The following SPOCK3 variants were observed in gnomAD, a reference collection of about 807,000 sequenced individuals.
SPOCK3 encodes the protein SPARC (osteonectin), cwcv and kazal like domains proteoglycan 3, also known as testican-3.
Under a neutral mutation model 56.6 loss-of-function variants are expected in SPOCK3, and 30 were observed. The ratio of observed to expected loss-of-function variants is 0.53; its 90% CI spans 0.40 to 0.72. SPOCK3 has a LOEUF of 0.72. Among genes scored for constraint, SPOCK3 ranks in the 30% least tolerant of loss-of-function variants. The pLI is 0.00. For synonymous variants in SPOCK3, 196 were observed against 183.3 expected (o/e 1.07, Z -0.56); for missense variants, 527 against 530.0 (o/e 0.99, Z 0.06).
intron 7 of SPOCK3, among the ~76,000 whole-genome samples, chr4:166,785,854 T>C (rs1484097579): frequency 1.3e-5 from 2 of 152,156 alleles, no homozygotes; most frequent in African/African-American, 4.8e-5. Flanking sequence ...GTTAGGACAT[T>C]GTCCAGGTAA....
intron 9 of SPOCK3, among the ~76,000 whole-genome samples, chr4:166,738,780 C>A (rs1057005112): frequency 2.0e-5 from 3 of 151,494 alleles, no homozygotes; most frequent in African/African-American, 4.9e-5. Flanking sequence ...TCATCCATGT[C>A]GCTATAAAGG....
rs530131627 is a variant in SPOCK3, at chr4:166,889,356, T to C, written c.475-112A>G. The C allele has an allele frequency of 9.1e-6, 6 of 661,256 alleles. No homozygotes were observed. In the East Asian group the frequency reaches 1.6e-4, roughly 18 times the overall value. The allele number at this position is 661,256 out of a possible 1,614,324, so 41.0% of individuals were successfully genotyped here. A position where few individuals can be genotyped will look rare whatever the true frequency, so the allele number is the denominator to read the frequency against. On this transcript the variant is annotated intron_variant, in intron 5 of 10. Coordinates refer to ENST00000357545, the MANE Select transcript of SPOCK3 (RefSeq NM_001040159.2). ...TTGATGCATATAATTTGGAGATTTTTCCACCAGGTAATACGTCTCCAATAC... is the reference window on the plus strand; with the variant it reads ...TTGATGCATATAATTTGGAGATTTTCCCACCAGGTAATACGTCTCCAATAC...
intron 4 of SPOCK3, among the ~76,000 whole-genome samples, chr4:166,913,845 T>C (rs933259076): frequency 2.0e-5 from 3 of 152,168 alleles, no homozygotes; most frequent in Non-Finnish European, 4.4e-5. Context: ...GTTCTCTTTA[T>C]TTCAGTTTTG....
At chr4:166,741,975 A>G (rs751753084) in intron 9 of SPOCK3, 22 bp downstream of exon 9, 1 of 1,563,492 alleles carries the variant, frequency 6.4e-7, no homozygotes, top group Non-Finnish European at 8.8e-7. Context: ...TAAAGCCTTC[A>G]GAAGAATGAT....
chr4:166,828,603 C>A (rs988734083), intron 6 of SPOCK3, among the ~76,000 whole-genome samples: 1 of 151,872 alleles, frequency 6.6e-6, no homozygotes, highest in Non-Finnish European at 1.5e-5. Context: ...TAGAGTTTAA[C>A]CATATTTCTA....
At chr4:167,134,027 T>C (rs944930134) in intron 2 of SPOCK3, among the ~76,000 whole-genome samples, 14 of 138,466 alleles carry the variant, frequency 1.0e-4, no homozygotes, top group East Asian at 2.1e-4. Context: ...TTTTTCTTTT[T>C]TTTTTTTTTT....
intron 4 of SPOCK3, among the ~76,000 whole-genome samples, chr4:166,976,803 G>A (rs114768313): frequency 3.0e-4 from 46 of 151,858 alleles, no homozygotes; most frequent in African/African-American, 1.1e-3. Context: ...ATTTAATCTA[G>A]CCATTAAATT....
At chr4:166,994,732 A>T (rs1482011101) in intron 4 of SPOCK3, among the ~76,000 whole-genome samples, 1 of 152,252 alleles carries the variant, frequency 6.6e-6, no homozygotes, top group East Asian at 1.9e-4. Flanking sequence ...CATAACACCT[A>T]ATATAAACCC....
intron 2 of SPOCK3, among the ~76,000 whole-genome samples, chr4:167,226,439 AG>A (rs1379309821): frequency 1.3e-5 from 2 of 152,180 alleles, no homozygotes; most frequent in Non-Finnish European, 2.9e-5. Flanking sequence ...AACAACTGAC[AG>A]GCAATGATAA....
rs1447467797 is a variant in SPOCK3, at chr4:166,967,819, G to T, written c.350+32530C>A. 2.0e-5 allele frequency among the ~76,000 whole-genome samples: 3 copies of T among 152,304 alleles called. 1 individual carries two copies. The Middle Eastern group carries it at 0.01, about 518-fold the overall frequency. On this transcript the variant is annotated intron_variant, in intron 4 of 10. Transcript: ENST00000357545. ...TAACAGGCAAAGGTTGGCACAATCT[G>T]AGGGGCTCAAAAAAAGACAGAAAGG...
intron 2 of SPOCK3, among the ~76,000 whole-genome samples, chr4:167,134,908 A>G (rs892401740): frequency 6.6e-6 from 1 of 152,110 alleles, no homozygotes; most frequent in Non-Finnish European, 1.5e-5. Flanking sequence ...CTGTTTTCTT[A>G]GTGCATTGGT....
In SPOCK3 at chr4:167,099,932, ATTTC is replaced by A. The variant is rs371263853; in HGVS notation, c.190-37399_190-37396del. Among the ~76,000 whole-genome samples, 8 of 152,084 alleles carry A rather than the reference ATTTC, an allele frequency of 5.3e-5. No individual in the cohort carries two copies. The East Asian group carries it at 1.3e-3, about 26-fold the overall frequency. ...AATTGAAGTATAATTTGACACATTA[ATTTC>A]TTTCTTCATGACAATTATGTACAAT... On this transcript the variant is annotated intron_variant, in intron 2 of 10. Transcript: ENST00000357545.
intron 6 of SPOCK3, among the ~76,000 whole-genome samples, chr4:166,877,648 A>T (rs1733234816): frequency 6.6e-6 from 1 of 152,186 alleles, no homozygotes; most frequent in Non-Finnish European, 1.5e-5. Flanking sequence ...ATAATGTAAA[A>T]GTTCTCATTA....
chr4:166,746,271 C>G (rs1051463275), intron 8 of SPOCK3, among the ~76,000 whole-genome samples: 3 of 152,178 alleles, frequency 2.0e-5, no homozygotes, highest in Non-Finnish European at 4.4e-5. Context: ...TGTAAAAGAA[C>G]AGAGATCATA....
At chr4:166,975,017 G>C (rs1201601679) in intron 4 of SPOCK3, among the ~76,000 whole-genome samples, 1 of 152,080 alleles carries the variant, frequency 6.6e-6, no homozygotes, top group Non-Finnish European at 1.5e-5. Context: ...ATGAGAGTGG[G>C]TCTGAGAGTC....
chr4:166,869,539 T>G (rs974313534), intron 6 of SPOCK3, among the ~76,000 whole-genome samples: 1 of 152,080 alleles, frequency 6.6e-6, no homozygotes, highest in Non-Finnish European at 1.5e-5. Flanking sequence ...CAGTGCCATC[T>G]TTGTATTCAA....
chr4:167,199,225 T>TTGTGTGTGTGTGTGTG (rs58765976), intron 2 of SPOCK3, among the ~76,000 whole-genome samples: 7 of 141,976 alleles, frequency 4.9e-5, no homozygotes, highest in African/African-American at 1.5e-4. Context: ...AAATATTTGT[T>TTGTGTGTGTGTGTGTG]TGTGTGTGTG....
chr4:167,165,129 A>G (rs2150450561), intron 2 of SPOCK3, among the ~76,000 whole-genome samples: 1 of 152,290 alleles, frequency 6.6e-6, no homozygotes, highest in Middle Eastern at 3.4e-3. Flanking sequence ...CCTAAACAAT[A>G]CCATTCAGGA....
At chr4:167,230,320 C>T (rs1294725023) in intron 2 of SPOCK3, among the ~76,000 whole-genome samples, 3 of 151,720 alleles carry the variant, frequency 2.0e-5, no homozygotes, top group African/African-American at 4.8e-5. Flanking sequence ...ATAAGCCACT[C>T]GAGCTAATAA....
Sources: gnomAD v4.1 joint callset for allele counts (sites outside exome capture counted in the v4.1 genomes callset) on GRCh38, gnomAD v4.1.1 for gene constraint, MANE v1.5 for transcripts, NCBI Gene and HGNC (gene_info 2026-07-23, HGNC 2026-07-21) for gene names.